GABRG1: variants seen among roughly 807,000 people sequenced by gnomAD.
GABRG1 encodes gamma-aminobutyric acid receptor subunit gamma-1.
A neutral mutation model predicts 49.8 loss-of-function variants in GABRG1; 49 were observed. The ratio of observed to expected loss-of-function variants is 0.98; its 90% CI spans 0.78 to 1.25. The LOEUF is 1.25. GABRG1 is among the 50% of genes most tolerant of loss of function. GABRG1 has a pLI of 0.00. For synonymous variants in GABRG1, 232 were observed against 185.1 expected (o/e 1.25, Z -2.06); for missense variants, 552 against 552.3 (o/e 1.00, Z 0.01).
chr4:46,070,609 G>T (rs1719081938), intron 3 of GABRG1, among the ~76,000 whole-genome samples: 1 of 151,956 alleles, frequency 6.6e-6, no homozygotes, highest in South Asian at 2.1e-4. Flanking sequence ...TAAATAGGTG[G>T]GCATATAGAT....
At chr4:46,093,325 C>T (rs1036966774) in intron 2 of GABRG1, among the ~76,000 whole-genome samples, 4 of 151,800 alleles carry the variant, frequency 2.6e-5, no homozygotes, top group Non-Finnish European at 5.9e-5. Flanking sequence ...GAACTGATGA[C>T]ATTATGTTAA....
At chr4:46,117,658 A>C (rs1244860112) in intron 1 of GABRG1, among the ~76,000 whole-genome samples, 1 of 144,990 alleles carries the variant, frequency 6.9e-6, no homozygotes, top group Non-Finnish European at 1.5e-5. Context: ...ATATATGTAT[A>C]TACGTATATA....
chr4:46,051,584 A>ACCT lies in GABRG1; in HGVS notation c.970_971insAGG (p.Leu324delinsTer). 1 of 1,611,502 alleles carries ACCT rather than the reference A, an allele frequency of 6.2e-7. No homozygotes were observed. ...CGCAGTCACATAAGAAACCTTAGGT[A>ACCT]AAGACTTCCTGGCAATTGTACTCAG... On this transcript the variant is annotated stop_gained, in exon 8 of 9. Coordinates refer to ENST00000295452, the MANE Select transcript of GABRG1 (RefSeq NM_173536.4). LOFTEE classifies it high-confidence loss of function.
Position 46,036,541 on chromosome 4 carries a change from G to A in GABRG1, c.*4447C>T, listed in dbSNP as rs1330201019. ...ATGGTGTCTTTGTACCCATCTACAT[G>A]CAAGCAAGTATCTACTACAGGATCC... On this transcript the variant is annotated 3_prime_UTR_variant, in exon 9 of 9. Transcript: ENST00000295452. The A allele has an allele frequency of 1.3e-5, 2 of 151,854 alleles. No homozygotes were observed. Among genetic ancestry groups the A allele is most frequent in the Non-Finnish European group, 2.9e-5 (2 of 67,898 alleles). 9.4% of individuals were successfully genotyped at this position (151,854 alleles called of 1,614,324 possible). A position where few individuals can be genotyped will look rare whatever the true frequency, so the allele number is the denominator to read the frequency against.
chr4:46,040,096 T>G lies in GABRG1; in HGVS notation c.*892A>C, dbSNP rs186983339. On this transcript the variant is annotated 3_prime_UTR_variant, in exon 9 of 9. Coordinates refer to ENST00000295452, the MANE Select transcript of GABRG1 (RefSeq NM_173536.4). The stretch of plus-strand genomic sequence containing the variant: ...TAAATACAAGCAATGTTCCTCAATA[T>G]TTTTATTTTAGGGACTGCAACACTT... 7.8e-4 allele frequency: 119 copies of G among 151,984 alleles called. No homozygotes were observed. Among genetic ancestry groups the G allele is most frequent in the African/African-American group, 2.8e-3 (117 of 41,562 alleles). The allele number at this position is 151,984 out of a possible 1,614,324, so 9.4% of individuals were successfully genotyped here.
chr4:46,096,859 A>G (rs1720181441), intron 2 of GABRG1, among the ~76,000 whole-genome samples: 2 of 151,776 alleles, frequency 1.3e-5, no homozygotes, highest in African/African-American at 4.8e-5. Context: ...ATGAGAATGT[A>G]AAATATTCAT....
Position 46,113,408 on chromosome 4 carries a change from C to T in GABRG1, c.104+10402G>A, listed in dbSNP as rs533533515. Among the ~76,000 whole-genome samples the T allele has an allele frequency of 4.0e-5, 6 of 151,038 alleles. No homozygotes were observed. In the East Asian group the frequency reaches 7.9e-4, roughly 20 times the overall value. On this transcript the variant is annotated intron_variant, in intron 1 of 8. Transcript: ENST00000295452. Reference sequence around the variant, plus strand: ...TCCTGAGAACTCACTATCATGAGAACAGCATAGGGGTAACTGCCCCCATGA... The same window carrying T: ...TCCTGAGAACTCACTATCATGAGAATAGCATAGGGGTAACTGCCCCCATGA...
intron 3 of GABRG1, among the ~76,000 whole-genome samples, chr4:46,066,389 A>G (rs1577643875): frequency 6.6e-6 from 1 of 152,238 alleles, no homozygotes; most frequent in East Asian, 1.9e-4. Context: ...ATAAAATGCC[A>G]AACATATGTT....
At chr4:46,041,634 T>G (rs184636225) in intron 8 of GABRG1, among the ~76,000 whole-genome samples, 94 of 152,078 alleles carry the variant, frequency 6.2e-4, no homozygotes, top group African/African-American at 2.0e-3. Flanking sequence ...ATTTATCGAC[T>G]TTAATAAAAA....
chr4:46,099,653 AAAC>A (rs1178345263), intron 1 of GABRG1, among the ~76,000 whole-genome samples: 136 of 151,834 alleles, frequency 9.0e-4, no homozygotes, highest in Non-Finnish European at 1.5e-3. Context: ...CACCTTAGTT[AAAC>A]AATCTTAGCA....
intron 1 of GABRG1, among the ~76,000 whole-genome samples, chr4:46,116,359 G>A (rs931119914): frequency 1.3e-5 from 2 of 150,676 alleles, no homozygotes; most frequent in African/African-American, 4.8e-5. Context: ...CATTTTCATA[G>A]TGCCTGACAG....
At chr4:46,090,339 T>G (rs1294328367) in intron 2 of GABRG1, among the ~76,000 whole-genome samples, 2 of 152,042 alleles carry the variant, frequency 1.3e-5, no homozygotes, top group Non-Finnish European at 2.9e-5. Flanking sequence ...TAAATGTACC[T>G]AAAATGCAAA....
chr4:46,117,465 C>T (rs1452184999), intron 1 of GABRG1, among the ~76,000 whole-genome samples: 1 of 148,624 alleles, frequency 6.7e-6, no homozygotes, highest in African/African-American at 2.4e-5. Flanking sequence ...AAAGGTTCAC[C>T]TAAAATATAT....
chr4:46,059,397 T>G (rs1231289989), intron 5 of GABRG1, among the ~76,000 whole-genome samples: 3 of 152,010 alleles, frequency 2.0e-5, no homozygotes, highest in African/African-American at 4.8e-5. Flanking sequence ...ATTCTCCTTT[T>G]TTTTTTTTAG....
chr4:46,065,615 G>T (rs755122973), intron 3 of GABRG1, 31 bp from the exon 4 acceptor site: 2 of 958,180 alleles, frequency 2.1e-6, no homozygotes, highest in Non-Finnish European at 3.2e-6. Flanking sequence ...CAACATATTA[G>T]TAAAGCTACT....
At chr4:46,104,487 C>T (rs545912786) in intron 1 of GABRG1, among the ~76,000 whole-genome samples, 1 of 151,434 alleles carries the variant, frequency 6.6e-6, no homozygotes, top group East Asian at 2.0e-4. Flanking sequence ...ACCTATGTAT[C>T]CTTGAATGAC....
chr4:46,037,184 T>C lies in GABRG1; in HGVS notation c.*3804A>G, dbSNP rs1001567292. 1.4e-4 allele frequency: 21 copies of C among 151,902 alleles called. No homozygotes were observed. The highest frequency in any genetic ancestry group is 2.9e-5 in the Non-Finnish European group (2 of 67,896). The allele number at this position is 151,902 out of a possible 1,614,324, so 9.4% of individuals were successfully genotyped here. Reference sequence around the variant, plus strand: ...AAAGTCATCTTTATATTCCCTTTTGTATTTAGAACAGTACTTTGTACACAG... The same window carrying C: ...AAAGTCATCTTTATATTCCCTTTTGCATTTAGAACAGTACTTTGTACACAG... On this transcript the variant is annotated 3_prime_UTR_variant, in exon 9 of 9. Coordinates refer to ENST00000295452, the MANE Select transcript of GABRG1 (RefSeq NM_173536.4).
intron 1 of GABRG1, among the ~76,000 whole-genome samples, chr4:46,101,489 C>A (rs1303500551): frequency 3.3e-5 from 5 of 151,594 alleles, no homozygotes; most frequent in South Asian, 2.1e-4. Flanking sequence ...GAGTCGCACA[C>A]TATATGACAA....
intron 3 of GABRG1, among the ~76,000 whole-genome samples, chr4:46,079,104 C>G (rs549135560): frequency 1.0e-3 from 156 of 149,348 alleles, no homozygotes; most frequent in African/African-American, 3.6e-3. Context: ...GAAAGCAATT[C>G]GATTTTCGTT....
Sources: gnomAD v4.1 joint callset for allele counts (sites outside exome capture counted in the v4.1 genomes callset) on GRCh38, gnomAD v4.1.1 for gene constraint, MANE v1.5 for transcripts, NCBI Gene and HGNC (gene_info 2026-07-23, HGNC 2026-07-21) for gene names.